Variants in TYW1B observed in about 807,000 individuals in gnomAD.
TYW1B encodes tRNA-yW synthesizing protein 1 homolog B, also known as S-adenosyl-L-methionine-dependent tRNA 4-demethylwyosine synthase TYW1B.
TYW1B carries 73 observed loss-of-function variants against 86.9 expected under a neutral mutation model. The observed-to-expected ratio is 0.84, with a 90% CI of 0.70 to 1.02. The LOEUF is 1.02. TYW1B is among the 50% of genes least tolerant of loss of function. The probability of loss-of-function intolerance (pLI) is 0.00; values close to 1 mark genes in which losing one functional copy is unlikely to be tolerated. For missense variants in TYW1B, 637 were observed against 827.4 expected, an observed-to-expected ratio of 0.77 and a Z score of 2.82; for synonymous variants, 248 against 292.8, an observed-to-expected ratio of 0.85 and a Z score of 1.56.
In TYW1B at chr7:72,766,810, C is replaced by T. The variant is rs563855093; in HGVS notation, c.964+10606G>A. 2.0e-3 allele frequency among the ~76,000 whole-genome samples: 307 copies of T among 151,886 alleles called. 1 individual carries two copies. The highest frequency in any genetic ancestry group is 3.3e-3 in the Non-Finnish European group (224 of 67,962). ...GGCATGGTGGTGCATACCTGTAATC[C>T]CAGCTACTCAGGAGGCTGAGGCAGG... On this transcript the variant is annotated intron_variant, in intron 7 of 13. Coordinates refer to ENST00000620995, the MANE Select transcript of TYW1B (RefSeq NM_001145440.3).
At chr7:72,642,468 C>G (rs1554441585) in intron 11 of TYW1B, among the ~76,000 whole-genome samples, 1 of 152,106 alleles carries the variant, frequency 6.6e-6, no homozygotes, top group Non-Finnish European at 1.5e-5. Flanking sequence ...TATATTCACA[C>G]TAAAACCTGT....
chr7:72,659,765 G>T (rs1342346455), intron 11 of TYW1B, among the ~76,000 whole-genome samples: 1 of 152,098 alleles, frequency 6.6e-6, no homozygotes, highest in Admixed American at 6.6e-5. Context: ...AAAACAATGA[G>T]AGCAAAATCT....
intron 12 of TYW1B, among the ~76,000 whole-genome samples, chr7:72,628,015 G>A (rs563270667): frequency 1.3e-5 from 2 of 152,232 alleles, no homozygotes; most frequent in Admixed American, 6.5e-5. Flanking sequence ...ACATCAGCCG[G>A]GCACAGTGGC....
chr7:72,633,172 C>T (rs1460125382), intron 11 of TYW1B, among the ~76,000 whole-genome samples: 2 of 152,254 alleles, frequency 1.3e-5, no homozygotes, highest in Non-Finnish European at 2.9e-5. Flanking sequence ...ATAACACACC[C>T]CTTTATTTGC....
Position 72,574,658 on chromosome 7 carries a change from G to A in TYW1B, c.*840C>T, listed in dbSNP as rs1407293163. 22 of 985,276 alleles carry A rather than the reference G, an allele frequency of 2.2e-5. No homozygotes were observed. The highest frequency in any genetic ancestry group is 1.2e-4 in the African/African-American group (7 of 57,228). 61.0% of individuals were successfully genotyped at this position (985,276 alleles called of 1,614,324 possible). A position where few individuals can be genotyped will look rare whatever the true frequency, so the allele number is the denominator to read the frequency against. ...TATAGAACAGATTGTGTAAAGCAGCGAGGGCCACAGGAGTCAAAGAAGATG... is the reference window on the plus strand; with the variant it reads ...TATAGAACAGATTGTGTAAAGCAGCAAGGGCCACAGGAGTCAAAGAAGATG... On this transcript the variant is annotated 3_prime_UTR_variant, in exon 14 of 14. Transcript: ENST00000620995.
chr7:72,615,563 G>C (rs1483980439), intron 13 of TYW1B, among the ~76,000 whole-genome samples: 1 of 152,074 alleles, frequency 6.6e-6, no homozygotes, highest in African/African-American at 2.4e-5. Flanking sequence ...CAAGGCACTG[G>C]AGAAGACAAG....
chr7:72,771,117 G>C (rs13236022), intron 7 of TYW1B, among the ~76,000 whole-genome samples: 103,803 of 151,348 alleles, frequency 0.69, 36,505 homozygotes, highest in Non-Finnish European at 0.77. Context: ...CGCCCACCAG[G>C]ACACCTGGCT....
chr7:72,730,046 A>C lies in TYW1B; in HGVS notation c.1083-1115T>G, dbSNP rs188350798. Among the ~76,000 whole-genome samples, 810 of 152,268 alleles carry C rather than the reference A, an allele frequency of 5.3e-3. 10 individuals carry two copies. Among genetic ancestry groups the C allele is most frequent in the African/African-American group, 0.017 (715 of 41,562 alleles). On this transcript the variant is annotated intron_variant, in intron 8 of 13. Transcript: ENST00000620995. ...TCTAGAGGACAAGTCAAAGCACCCC[A>C]TTCAACCAACACTATAAAATACTTC...
chr7:72,822,259 C>T (rs781932961), intron 2 of TYW1B, among the ~76,000 whole-genome samples: 1 of 148,278 alleles, frequency 6.7e-6, no homozygotes, highest in Non-Finnish European at 1.5e-5. Flanking sequence ...ACACAGAAGA[C>T]GATCCAAAAG....
chr7:72,598,631 T>C (rs1365308474), intron 13 of TYW1B, among the ~76,000 whole-genome samples: 2 of 152,132 alleles, frequency 1.3e-5, no homozygotes, highest in African/African-American at 2.4e-5. Flanking sequence ...GTAATGGCTT[T>C]AGTAAGTTTA....
At chr7:72,776,399 C>A (rs1160337149) in intron 7 of TYW1B, among the ~76,000 whole-genome samples, 8 of 151,388 alleles carry the variant, frequency 5.3e-5, no homozygotes, top group Non-Finnish European at 8.8e-5. Flanking sequence ...GCATGGCCAA[C>A]ATGGCGAAAA....
chr7:72,808,228 A>C lies in TYW1B; in HGVS notation c.433-872T>G, dbSNP rs1358462839. On this transcript the variant is annotated intron_variant, in intron 4 of 13. Coordinates refer to ENST00000620995, the MANE Select transcript of TYW1B (RefSeq NM_001145440.3). ...AGCACCTTGGGAGACCGGAGTGAGA[A>C]GAATGCTCAAGCCCAAGTTCAACAC... 1.3e-5 allele frequency among the ~76,000 whole-genome samples: 2 copies of C among 152,188 alleles called. 1 individual carries two copies. The highest frequency in any genetic ancestry group is 2.9e-5 in the Non-Finnish European group (2 of 68,036).
chr7:72,680,953 A>T lies in TYW1B; in HGVS notation c.1506+13734T>A, dbSNP rs187501659. Among the ~76,000 whole-genome samples, 50 of 152,330 alleles carry T rather than the reference A, an allele frequency of 3.3e-4. No individual in the cohort carries two copies. The East Asian group carries it at 6.7e-3, about 21-fold the overall frequency. Reference sequence around the variant, plus strand: ...TATAAAATATTTAATCATATACACAAAAATGATAGTAGAGGGCATCATTTT... The same window carrying T: ...TATAAAATATTTAATCATATACACATAAATGATAGTAGAGGGCATCATTTT... On this transcript the variant is annotated intron_variant, in intron 11 of 13. Transcript: ENST00000620995.
intron 6 of TYW1B, among the ~76,000 whole-genome samples, chr7:72,782,562 T>C (rs1563092530): frequency 6.6e-6 from 1 of 152,150 alleles, no homozygotes; most frequent in African/African-American, 2.4e-5. Context: ...GGTGATTCCT[T>C]TTCTTATCAA....
At chr7:72,808,528 A>ATT (rs1788538713) in intron 4 of TYW1B, among the ~76,000 whole-genome samples, 1 of 80,370 alleles carries the variant, frequency 1.2e-5, no homozygotes, top group Admixed American at 1.5e-4. Flanking sequence ...ATTTTATTTT[A>ATT]CTTTTTTTTT....
Position 72,826,978 on chromosome 7 carries a change from A to G in TYW1B, c.12T>C (p.Ser4=). 6.2e-7 allele frequency: 1 copy of G among 1,604,800 alleles called. No homozygotes were observed. Among genetic ancestry groups the G allele is most frequent in the Non-Finnish European group, 8.5e-7 (1 of 1,177,402 alleles). The change falls in exon 2 of 14, where the codon TCT becomes TCC. Residue 4 remains serine, a synonymous_variant. Coordinates refer to ENST00000620995, the MANE Select transcript of TYW1B (RefSeq NM_001145440.3). MDP[S]ADTWDLSSPL... ...GTGAGGAGAGGTCCCATGTATCCGC[A>G]GAAGGATCTAAATTTAAAATGACAC... is the stretch of plus-strand genomic sequence containing the variant.
At chr7:72,691,986 A>T (rs1458910906) in intron 11 of TYW1B, among the ~76,000 whole-genome samples, 1 of 151,956 alleles carries the variant, frequency 6.6e-6, no homozygotes, top group African/African-American at 2.4e-5. Context: ...CAGGCGGATC[A>T]CTTGAGGTCA....
chr7:72,713,024 C>T (rs781950211), intron 10 of TYW1B, among the ~76,000 whole-genome samples: 3 of 151,896 alleles, frequency 2.0e-5, no homozygotes, highest in Admixed American at 6.6e-5. Flanking sequence ...TTAGACCAGG[C>T]GCAGTGGCTC....
chr7:72,816,891 T>A (rs1554479555), intron 2 of TYW1B, among the ~76,000 whole-genome samples: 1 of 151,970 alleles, frequency 6.6e-6, no homozygotes. Flanking sequence ...CCTGTGCAGC[T>A]CTTCCATTCG....
Sources: allele counts gnomAD v4.1 joint callset (sites outside exome capture counted in the v4.1 genomes callset), GRCh38; gene constraint gnomAD v4.1.1; transcripts MANE v1.5; gene names NCBI Gene and HGNC (gene_info 2026-07-23, HGNC 2026-07-21).